GMDS: variants seen among roughly 807,000 people sequenced by gnomAD.
The protein encoded by GMDS is GDP-mannose 4,6 dehydratase.
Under a neutral mutation model 49.9 loss-of-function variants are expected in GMDS, and 20 were observed. The observed-to-expected ratio is 0.40, with a 90% confidence interval of 0.28 to 0.58. The LOEUF (loss-of-function observed/expected upper bound fraction) is 0.58. Among genes scored for constraint, GMDS ranks in the 20% least tolerant of loss-of-function variants. The pLI, the probability that GMDS is intolerant of heterozygous loss-of-function variation, is 0.42. For missense variants in GMDS, 362 were observed against 481.4 expected (o/e 0.75, Z 2.32); for synonymous variants, 177 against 178.6 (o/e 0.99, Z 0.07).
intron 1 of GMDS, among the ~76,000 whole-genome samples, chr6:2,216,976 G>T (rs1040128333): frequency 4.6e-5 from 7 of 152,038 alleles, no homozygotes; most frequent in Non-Finnish European, 8.8e-5. Context: ...ACTTGGCAAG[G>T]TTTGCACCAT....
At chr6:1,974,755 G>T (rs2245971) in intron 4 of GMDS, among the ~76,000 whole-genome samples, 91,223 of 150,902 alleles carry the variant, frequency 0.6, 27,629 homozygotes, top group East Asian at 0.66. Context: ...AATGGGCTGG[G>T]CACGGTGGCT....
chr6:1,712,825 C>G, intron 9 of GMDS, among the ~76,000 whole-genome samples: 1 of 151,830 alleles, frequency 6.6e-6, no homozygotes, highest in East Asian at 1.9e-4. Flanking sequence ...ATATTTCTAG[C>G]AAGCAATAGG....
chr6:1,686,744 G>A (rs976415040), intron 9 of GMDS, among the ~76,000 whole-genome samples: 5 of 152,098 alleles, frequency 3.3e-5, no homozygotes, highest in African/African-American at 9.7e-5. Flanking sequence ...GTACATTAAC[G>A]CAGCAACTTC....
At chr6:1,975,521 T>C (rs1376303837) in intron 4 of GMDS, among the ~76,000 whole-genome samples, 1 of 152,154 alleles carries the variant, frequency 6.6e-6, no homozygotes, top group Non-Finnish European at 1.5e-5. Context: ...AAGCAAAATA[T>C]ACAAAGTAGA....
intron 9 of GMDS, among the ~76,000 whole-genome samples, chr6:1,654,499 T>C (rs1264133964): frequency 2.0e-5 from 3 of 152,188 alleles, no homozygotes; most frequent in Non-Finnish European, 4.4e-5. Flanking sequence ...GTAAGTGAAA[T>C]AAGCCCATTA....
chr6:2,067,267 A>G (rs1384684439), intron 4 of GMDS, among the ~76,000 whole-genome samples: 9 of 152,094 alleles, frequency 5.9e-5, no homozygotes, highest in African/African-American at 1.9e-4. Flanking sequence ...GCAAAGCAGT[A>G]TGTAGAGGGA....
intron 4 of GMDS, among the ~76,000 whole-genome samples, chr6:2,050,142 G>A (rs1191967078): frequency 6.6e-6 from 1 of 152,020 alleles, no homozygotes; most frequent in Non-Finnish European, 1.5e-5. Context: ...GGCTAATAAA[G>A]AAGAAAAGAG....
chr6:1,895,246 C>T (rs1227553871), intron 7 of GMDS, among the ~76,000 whole-genome samples: 3 of 152,182 alleles, frequency 2.0e-5, no homozygotes, highest in Admixed American at 6.5e-5. Flanking sequence ...CCACCATTTA[C>T]TCATGATGTG....
At chr6:2,219,763 T>C (rs746541087) in intron 1 of GMDS, among the ~76,000 whole-genome samples, 8 of 152,210 alleles carry the variant, frequency 5.3e-5, no homozygotes, top group Non-Finnish European at 7.3e-5. Flanking sequence ...GATTTCAGTA[T>C]CATGAATATT....
intron 7 of GMDS, among the ~76,000 whole-genome samples, chr6:1,798,897 A>AGCCCTGTCC (rs1351326343): frequency 6.6e-6 from 1 of 152,200 alleles, no homozygotes. Context: ...CTTGCTTCAA[A>AGCCCTGTCC]ACATACTTCT....
chr6:2,207,647 T>C (rs1006551151), intron 1 of GMDS, among the ~76,000 whole-genome samples: 3 of 151,982 alleles, frequency 2.0e-5, no homozygotes, highest in African/African-American at 7.3e-5. Flanking sequence ...TCCTAGCACC[T>C]AGCAGATGCT....
chr6:1,650,355 A>G (rs1763614411), intron 9 of GMDS, among the ~76,000 whole-genome samples: 1 of 152,084 alleles, frequency 6.6e-6, no homozygotes, highest in South Asian at 2.1e-4. Flanking sequence ...TCCTTTAAAG[A>G]CATAAGAGAC....
intron 9 of GMDS, among the ~76,000 whole-genome samples, chr6:1,685,151 C>G (rs1764931091): frequency 6.6e-6 from 1 of 152,066 alleles, no homozygotes; most frequent in Non-Finnish European, 1.5e-5. Context: ...AATCCTAGCA[C>G]TTTGGGAGGC....
intron 1 of GMDS, among the ~76,000 whole-genome samples, chr6:2,193,899 A>G (rs1192210632): frequency 6.6e-6 from 1 of 151,626 alleles, no homozygotes; most frequent in Non-Finnish European, 1.5e-5. Flanking sequence ...AATTTTTTGT[A>G]TTTTTAGTAG....
At chr6:1,837,702 T>A (rs1756987853) in intron 7 of GMDS, among the ~76,000 whole-genome samples, 1 of 152,016 alleles carries the variant, frequency 6.6e-6, no homozygotes, top group Admixed American at 6.6e-5. Context: ...GGCCAAAGAG[T>A]TAAAGCGAAG....
At chr6:1,774,903 G>A (rs1216502724) in intron 7 of GMDS, among the ~76,000 whole-genome samples, 3 of 152,154 alleles carry the variant, frequency 2.0e-5, no homozygotes, top group Non-Finnish European at 4.4e-5. Context: ...TCAGAGGCAA[G>A]GCCAGGCTGA....
intron 4 of GMDS, among the ~76,000 whole-genome samples, chr6:2,094,674 GA>G (rs1267141210): frequency 1.3e-5 from 2 of 152,264 alleles, no homozygotes; most frequent in East Asian, 1.9e-4. Context: ...AGGGGAGTTA[GA>G]ATCAATGGTA....
At chr6:1,999,911 T>TATATAAA (rs1581491232) in intron 4 of GMDS, among the ~76,000 whole-genome samples, 14 of 102,278 alleles carry the variant, frequency 1.4e-4, no homozygotes, top group East Asian at 7.7e-4. Context: ...ATAATATATA[T>TATATAAA]ATTATATACA....
chr6:1,744,121 GA>G (rs1767393690), intron 7 of GMDS, among the ~76,000 whole-genome samples: 1 of 152,276 alleles, frequency 6.6e-6, no homozygotes, highest in East Asian at 1.9e-4. Flanking sequence ...GGAATTTGTA[GA>G]AAACTTCTAA....
Sources: allele counts gnomAD v4.1 joint callset (sites outside exome capture counted in the v4.1 genomes callset), GRCh38; gene constraint gnomAD v4.1.1; transcripts MANE v1.5; gene names NCBI Gene and HGNC (gene_info 2026-07-23, HGNC 2026-07-21).